GRIP1: variants seen among roughly 807,000 people sequenced by gnomAD.
GRIP1 encodes the protein glutamate receptor interacting protein 1.
Under a neutral mutation model 129.9 loss-of-function variants are expected in GRIP1, and 45 were observed. The observed-to-expected ratio is 0.35, with a 90% CI of 0.27 to 0.44. The LOEUF (loss-of-function observed/expected upper bound fraction) is 0.44. Ranked by LOEUF, GRIP1 falls within the 20% of genes least tolerant of loss-of-function variation. GRIP1 has a pLI of 1.00. For synonymous variants in GRIP1, 530 were observed against 520.8 expected (o/e 1.02, Z -0.24); for missense variants, 1,196 against 1,396.8 (o/e 0.86, Z 2.29).
Position 66,872,243 on chromosome 12 carries a change from T to A in GRIP1, c.58+196807A>T, listed in dbSNP as rs375767228. 9.2e-5 allele frequency among the ~76,000 whole-genome samples: 14 copies of A among 152,078 alleles called. 1 individual carries two copies. The highest frequency in any genetic ancestry group is 3.1e-4 in the African/African-American group (13 of 41,512). On this transcript the variant is annotated intron_variant, in intron 1 of 1. Coordinates refer to the GRIP1 transcript ENST00000643019. Reference sequence around the variant, plus strand: ...CAAGCTTTAGGGGGAGTCCTAACTATTTTGCTGGCATTGGTGGCAGCAGAG... The same window carrying A: ...CAAGCTTTAGGGGGAGTCCTAACTAATTTGCTGGCATTGGTGGCAGCAGAG...
At chr12:66,925,898 C>A (rs1262937730) in intron 1 of GRIP1, among the ~76,000 whole-genome samples, 1 of 152,210 alleles carries the variant, frequency 6.6e-6, no homozygotes, top group Non-Finnish European at 1.5e-5. Flanking sequence ...CCCACCCCGG[C>A]CTTCCAAAGT....
chr12:67,004,443 T>C (rs940624274), intron 1 of GRIP1, among the ~76,000 whole-genome samples: 2 of 152,162 alleles, frequency 1.3e-5, no homozygotes, highest in Non-Finnish European at 2.9e-5. Context: ...ATTAAATTAA[T>C]AAATTATTCA....
intron 2 of GRIP1, among the ~76,000 whole-genome samples, chr12:66,550,130 A>T (rs1304948282): frequency 6.6e-6 from 1 of 152,192 alleles, no homozygotes; most frequent in Non-Finnish European, 1.5e-5. Flanking sequence ...TCCCAAAATC[A>T]GTTATTTAAT....
chr12:66,864,346 T>C (rs1056294436), intron 1 of GRIP1, among the ~76,000 whole-genome samples: 2 of 90,318 alleles, frequency 2.2e-5, no homozygotes, highest in South Asian at 3.1e-4. Context: ...ATAAATATTC[T>C]TGAATTGAGA....
chr12:66,798,254 G>A (rs960525997), intron 1 of GRIP1, among the ~76,000 whole-genome samples: 1 of 152,118 alleles, frequency 6.6e-6, no homozygotes, highest in Non-Finnish European at 1.5e-5. Context: ...TGTTTGTATA[G>A]TTAAAACAGA....
At chr12:66,401,598 G>GTATATATATATATA (rs1555177931) in intron 16 of GRIP1, among the ~76,000 whole-genome samples, 5,099 of 66,086 alleles carry the variant, frequency 0.077, 508 homozygotes, top group South Asian at 0.13. Flanking sequence ...AAATATGTGT[G>GTATATATATATATA]TATATATATA....
At chr12:66,741,836 T>C (rs2036797627) in intron 1 of GRIP1, among the ~76,000 whole-genome samples, 1 of 152,154 alleles carries the variant, frequency 6.6e-6, no homozygotes, top group African/African-American at 2.4e-5. Flanking sequence ...CACTAATCTG[T>C]GAATATTCTT....
intron 1 of GRIP1, among the ~76,000 whole-genome samples, chr12:67,034,100 A>G (rs1035733375): frequency 3.9e-5 from 6 of 152,214 alleles, no homozygotes; most frequent in African/African-American, 1.2e-4. Flanking sequence ...AACTTTTCCT[A>G]TATGTTTTCA....
chr12:66,583,643 A>C (rs554282889), intron 2 of GRIP1, among the ~76,000 whole-genome samples: 1 of 140,704 alleles, frequency 7.1e-6, no homozygotes, highest in South Asian at 2.3e-4. Context: ...CGCAGCCAAA[A>C]AACACATGAA....
At chr12:66,804,335 G>A (rs1345174960), upstream of GRIP1, 1 of 218,554 alleles carries the variant, frequency 4.6e-6, no homozygotes, top group African/African-American at 2.3e-5. Flanking sequence ...CATCAACACG[G>A]CGACTTTGGC....
intron 1 of GRIP1, among the ~76,000 whole-genome samples, chr12:66,765,358 C>G (rs929067315): frequency 3.0e-4 from 45 of 152,168 alleles, no homozygotes; most frequent in Admixed American, 6.5e-4. Flanking sequence ...CTCTGGATGT[C>G]AAAGCTCTCA....
At chr12:66,645,123 A>T (rs1293631353) in intron 1 of GRIP1, among the ~76,000 whole-genome samples, 1 of 152,206 alleles carries the variant, frequency 6.6e-6, no homozygotes. Flanking sequence ...TACAAATAAC[A>T]ATTTTTAAAT....
At chr12:66,815,854 T>TTCTCTC (rs1555241803) in intron 1 of GRIP1, among the ~76,000 whole-genome samples, 8,313 of 116,646 alleles carry the variant, frequency 0.071, 431 homozygotes, top group East Asian at 0.16. Flanking sequence ...CTTTCTTTCT[T>TTCTCTC]TCTCTCTCTC....
chr12:66,978,317 C>G (rs1158230572), intron 1 of GRIP1, among the ~76,000 whole-genome samples: 1 of 151,952 alleles, frequency 6.6e-6, no homozygotes, highest in Non-Finnish European at 1.5e-5. Context: ...AGCACTATTC[C>G]CTAACATTTT....
chr12:66,526,583 A>T (rs200132834), intron 5 of GRIP1, among the ~76,000 whole-genome samples: 1,821 of 152,294 alleles, frequency 0.012, 40 homozygotes, highest in East Asian at 0.1. Context: ...ACCCTAGAAG[A>T]AAACCTAGGC....
intron 20 of GRIP1, among the ~76,000 whole-genome samples, chr12:66,378,004 C>A (rs2055895591): frequency 6.6e-6 from 1 of 151,560 alleles, no homozygotes; most frequent in Non-Finnish European, 1.5e-5. Context: ...TATAAGTAAA[C>A]CAAATGCTAT....
chr12:67,043,487 T>G (rs756625969), intron 1 of GRIP1, among the ~76,000 whole-genome samples: 63 of 152,154 alleles, frequency 4.1e-4, no homozygotes, highest in Non-Finnish European at 3.7e-4. Context: ...ACCAAAAGTC[T>G]TCAGGCATAA....
chr12:66,349,369 G>A (rs1202654957), intron 24 of GRIP1, 123 bp from the exon 25 acceptor site: 2 of 757,852 alleles, frequency 2.6e-6, no homozygotes, highest in Non-Finnish European at 4.7e-6. Flanking sequence ...AGCGCCATGA[G>A]GTCTATCCTT....
intron 1 of GRIP1, among the ~76,000 whole-genome samples, chr12:67,062,572 T>C (rs935063870): frequency 6.6e-6 from 1 of 151,794 alleles, no homozygotes; most frequent in Non-Finnish European, 1.5e-5. Context: ...ACCCCTCTTC[T>C]CTGCTCCCTC....
Sources: allele counts gnomAD v4.1 joint callset (sites outside exome capture counted in the v4.1 genomes callset), GRCh38; gene constraint gnomAD v4.1.1; transcripts MANE v1.5; gene names NCBI Gene and HGNC (gene_info 2026-07-23, HGNC 2026-07-21).